The following ACAD10 variants were observed in gnomAD, a reference collection of about 807,000 sequenced individuals.
The protein encoded by ACAD10 is ACAD-10.
In ACAD10, 112 loss-of-function variants were observed where a neutral mutation model predicts 116.8. The ratio of observed to expected loss-of-function variants is 0.96; its 90% confidence interval spans 0.82 to 1.12. The LOEUF (loss-of-function observed/expected upper bound fraction) is 1.12, where lower values mean the gene tolerates loss of function less well. Among genes scored for constraint, ACAD10 ranks in the 50% most tolerant of loss-of-function variants. ACAD10 has a pLI of 0.00. For missense variants in ACAD10, 1,259 were observed against 1,350.2 expected (o/e 0.93, Z 1.06); for synonymous variants, 486 against 510.6 (o/e 0.95, Z 0.65).
intron 19 of ACAD10, among the ~76,000 whole-genome samples, chr12:111,755,423 A>AG (rs1890182366): frequency 6.6e-6 from 1 of 151,888 alleles, no homozygotes; most frequent in South Asian, 2.1e-4. Context: ...TGTTTTTGAG[A>AG]GGGGGTCTCA....
intron 2 of ACAD10, among the ~76,000 whole-genome samples, chr12:111,694,704 C>T (rs569606522): frequency 6.6e-6 from 1 of 152,332 alleles, no homozygotes; most frequent in South Asian, 2.1e-4. Flanking sequence ...AAAATCTCCT[C>T]CCAGCTCCAG....
At chr12:111,750,412 G>C (rs1890043827) in intron 18 of ACAD10, among the ~76,000 whole-genome samples, 2 of 152,040 alleles carry the variant, frequency 1.3e-5, no homozygotes, top group African/African-American at 2.4e-5. Flanking sequence ...GAGCCACCGT[G>C]CCTGGCCAAA....
At chr12:111,725,899 ATATC>A (rs369956543) in intron 8 of ACAD10, among the ~76,000 whole-genome samples, 191 of 152,288 alleles carry the variant, frequency 1.3e-3, no homozygotes, top group Non-Finnish European at 1.8e-3. Flanking sequence ...ATAATACTGA[ATATC>A]TAACCCATGT....
chr12:111,732,778 A>G (rs1339295270), intron 10 of ACAD10, among the ~76,000 whole-genome samples: 1 of 152,238 alleles, frequency 6.6e-6, no homozygotes, highest in East Asian at 1.9e-4. Flanking sequence ...TCCCGGGGCC[A>G]GTAACAGTGA....
At chr12:111,691,846 C>G (rs1888053140) in intron 1 of ACAD10, among the ~76,000 whole-genome samples, 1 of 152,130 alleles carries the variant, frequency 6.6e-6, no homozygotes, top group East Asian at 1.9e-4. Context: ...TTCTGCCCAT[C>G]TCAGCCTCCC....
At chr12:111,705,348 C>T (rs1251205208) in intron 3 of ACAD10, among the ~76,000 whole-genome samples, 3 of 152,126 alleles carry the variant, frequency 2.0e-5, no homozygotes, top group Middle Eastern at 3.2e-3. Flanking sequence ...ACCTCAGCCT[C>T]CTGAGTAGCT....
chr12:111,725,413 T>C (rs1430362524), intron 8 of ACAD10, among the ~76,000 whole-genome samples: 2 of 152,050 alleles, frequency 1.3e-5, no homozygotes, highest in South Asian at 2.1e-4. Context: ...ACCCGGAAGA[T>C]TGTGGTGGGA....
chr12:111,702,108 T>C, intron 2 of ACAD10, 54 bp from the exon 3 acceptor site: 1 of 1,577,252 alleles, frequency 6.3e-7, no homozygotes. Context: ...CTGAGCTCCC[T>C]AAACCCCAGC....
intron 19 of ACAD10, among the ~76,000 whole-genome samples, chr12:111,754,999 C>T (rs1053443121): frequency 6.6e-6 from 1 of 152,224 alleles, no homozygotes; most frequent in African/African-American, 2.4e-5. Flanking sequence ...CTCACATCAG[C>T]GAGACCTTGG....
chr12:111,695,161 G>C (rs1390044616), intron 2 of ACAD10, among the ~76,000 whole-genome samples: 3 of 152,188 alleles, frequency 2.0e-5, no homozygotes, highest in African/African-American at 7.2e-5. Context: ...GCTCCTCTCA[G>C]TTTTAGCTTT....
intron 2 of ACAD10, among the ~76,000 whole-genome samples, chr12:111,697,046 A>C (rs1006614021): frequency 4.0e-5 from 6 of 150,260 alleles, no homozygotes; most frequent in African/African-American, 9.8e-5. Context: ...GCACCACTGC[A>C]CTCCAACCTG....
At chr12:111,736,383 G>T (rs1889565108) in intron 11 of ACAD10, among the ~76,000 whole-genome samples, 1 of 151,092 alleles carries the variant, frequency 6.6e-6, no homozygotes, top group African/African-American at 2.4e-5. Context: ...TAGAGACAGG[G>T]TTTCACCATA....
At chr12:111,721,554 C>T (rs752499567) in intron 7 of ACAD10, 117 bp from the exon 8 acceptor site, 20 of 926,610 alleles carry the variant, frequency 2.2e-5, no homozygotes, top group South Asian at 5.0e-5. Context: ...GGTAACAGAG[C>T]GAGACTGTGT....
At chr12:111,744,563 A>G in intron 12 of ACAD10, 80 bp from the exon 13 acceptor site, 1 of 1,516,446 alleles carries the variant, frequency 6.6e-7, no homozygotes, top group Non-Finnish European at 8.9e-7. Context: ...TAGCTGCTGA[A>G]GTGACAGTGT....
At chr12:111,726,482 A>G (rs973250225) in intron 8 of ACAD10, among the ~76,000 whole-genome samples, 7 of 152,064 alleles carry the variant, frequency 4.6e-5, no homozygotes, top group Admixed American at 3.3e-4. Flanking sequence ...TCCCTAATTC[A>G]TTTCTTTTTT....
At chr12:111,754,679 G>A (rs1315612396) in intron 19 of ACAD10, among the ~76,000 whole-genome samples, 2 of 152,188 alleles carry the variant, frequency 1.3e-5, no homozygotes, top group Non-Finnish European at 2.9e-5. Context: ...ATATGGTGGA[G>A]GCTGCTGGGT....
rs936044275 is a variant in ACAD10 at position 111,747,597 on chromosome 12, G to A, written c.2485+212G>A. 12 of 1,380,082 alleles carry A rather than the reference G, an allele frequency of 8.7e-6. No individual in the cohort carries two copies. In the Admixed American group the frequency reaches 2.7e-4, roughly 31 times the overall value. 85.5% of individuals were successfully genotyped at this position (1,380,082 alleles called of 1,614,324 possible). A position where few individuals can be genotyped will look rare whatever the true frequency, so the allele number is the denominator to read the frequency against. On this transcript the variant is annotated intron_variant, in intron 16 of 20. Coordinates refer to ENST00000313698, the MANE Select transcript of ACAD10 (RefSeq NM_025247.6). ...AGGTGGCACTTCACAGGGCAGGGAC[G>A]TCCCCCGGTGCCCACACATGGACGG...
Position 111,744,909 on chromosome 12 carries a change from C to T in ACAD10, c.1981C>T (p.Pro661Ser). 3 of 1,614,178 alleles carry T rather than the reference C, an allele frequency of 1.9e-6. No homozygotes were observed. Among genetic ancestry groups the T allele is most frequent in the Non-Finnish European group, 2.5e-6 (3 of 1,180,030 alleles). The change falls in exon 13 of 21, where the codon CCA becomes TCA. Residue 661 changes from proline (P) to serine (S), a missense_variant. By Grantham distance (74) the Pro-to-Ser change is moderately conservative. Coordinates refer to ENST00000313698, the MANE Select transcript of ACAD10 (RefSeq NM_025247.6). ...GLVISPESLSPPVRELYHRLK... is the reference protein window; with the variant it reads ...GLVISPESLSSPVRELYHRLK... The stretch of plus-strand genomic sequence containing the variant: ...GGTTATCTCTCCAGAGAGCCTCTCT[C>T]CACCTGTCAGAGAGCTGTATCACCG...
chr12:111,736,701 G>A, intron 11 of ACAD10, 130 bp from the exon 12 acceptor site: 1 of 868,022 alleles, frequency 1.2e-6, no homozygotes, highest in Non-Finnish European at 1.7e-6. Flanking sequence ...GCAGGAATAA[G>A]CTAACCCATG....
Sources: allele counts gnomAD v4.1 joint callset (sites outside exome capture counted in the v4.1 genomes callset), GRCh38; gene constraint gnomAD v4.1.1; transcripts MANE v1.5; gene names NCBI Gene and HGNC (gene_info 2026-07-23, HGNC 2026-07-21).